Variants in MCTP1 observed in about 807,000 individuals in gnomAD.
MCTP1 encodes multiple C2 and transmembrane domain-containing protein 1.
A neutral mutation model predicts 120.6 loss-of-function variants in MCTP1; 69 were observed. The observed-to-expected ratio is 0.57, with a 90% CI of 0.47 to 0.70. MCTP1 has a LOEUF of 0.70. MCTP1 is among the 30% of genes least tolerant of loss of function. MCTP1 has a pLI of 0.00. For synonymous variants in MCTP1, 529 were observed against 493.1 expected (o/e 1.07, Z -0.96); for missense variants, 1,203 against 1,248.8 (o/e 0.96, Z 0.55).
intron 19 of MCTP1, among the ~76,000 whole-genome samples, chr5:94,717,325 C>T (rs1759719687): frequency 6.6e-6 from 1 of 152,050 alleles, no homozygotes; most frequent in African/African-American, 2.4e-5. Flanking sequence ...ATTCAACATC[C>T]CTTCAAGTTA....
intron 1 of MCTP1, among the ~76,000 whole-genome samples, chr5:95,093,553 T>TTCAAGCA (rs1410632068): frequency 6.6e-6 from 1 of 152,106 alleles, no homozygotes; most frequent in Non-Finnish European, 1.5e-5. Flanking sequence ...GGACCTTAGA[T>TTCAAGCA]GATACTATGT....
chr5:94,731,552 A>T (rs773257945), intron 19 of MCTP1, among the ~76,000 whole-genome samples: 7 of 152,198 alleles, frequency 4.6e-5, no homozygotes, highest in Non-Finnish European at 1.0e-4. Context: ...TCAGATATAC[A>T]CAAACGTTTA....
At chr5:95,046,510 A>G (rs1042846588) in intron 1 of MCTP1, among the ~76,000 whole-genome samples, 1 of 152,208 alleles carries the variant, frequency 6.6e-6, no homozygotes, top group Admixed American at 6.5e-5. Context: ...AGACTCAAAG[A>G]GAACTGGTAA....
chr5:95,129,221 G>A (rs942417092), intron 1 of MCTP1, among the ~76,000 whole-genome samples: 29 of 152,164 alleles, frequency 1.9e-4, no homozygotes, highest in Admixed American at 3.9e-4. Context: ...ATAGCACTGG[G>A]GGCAAAAATC....
chr5:94,762,313 C>A (rs971899811), intron 19 of MCTP1, among the ~76,000 whole-genome samples: 3 of 152,188 alleles, frequency 2.0e-5, no homozygotes, highest in African/African-American at 7.2e-5. Context: ...GATACAAGTT[C>A]TTCCAGCATC....
At chr5:95,081,389 T>C in intron 1 of MCTP1, 2 of 1,586,480 alleles carry the variant, frequency 1.3e-6, no homozygotes, top group Non-Finnish European at 1.7e-6. Flanking sequence ...AATTTAAGGC[T>C]ACCACAATCC....
intron 1 of MCTP1, among the ~76,000 whole-genome samples, chr5:95,194,236 A>T (rs1219164423): frequency 1.3e-5 from 2 of 152,068 alleles, no homozygotes; most frequent in Non-Finnish European, 2.9e-5. Context: ...AAGAAAAGAA[A>T]TGAAAAGAAA....
In MCTP1 at chr5:94,771,472, C is replaced by T. The variant is rs567152574; in HGVS notation, c.2610+7638G>A. On this transcript the variant is annotated intron_variant, in intron 19 of 22. Transcript: ENST00000515393. Reference sequence around the variant, plus strand: ...GAAAACCATGAATTTCTTCTCTATTCGCCAATTAATAATATAGACTTCTAA... The same window carrying T: ...GAAAACCATGAATTTCTTCTCTATTTGCCAATTAATAATATAGACTTCTAA... Among the ~76,000 whole-genome samples, 12 of 152,250 alleles carry T rather than the reference C, an allele frequency of 7.9e-5. No homozygotes were observed. The East Asian group carries it at 1.3e-3, about 17-fold the overall frequency.
Position 94,708,562 on chromosome 5 carries a change from T to G in MCTP1, c.2878A>C (p.Asn960His). The stretch of plus-strand genomic sequence containing the variant: ...GAAAGGAAGTCAAGTAGTTCATTGT[T>G]ATCAATTGCATATGGACTCCGAAGC... Reference protein sequence around the residue: ...KKLRSPYAIDNNELLDFLSRV... With the variant: ...KKLRSPYAIDHNELLDFLSRV... The change falls in exon 22 of 23, where the codon AAC (asparagine) becomes CAC (histidine). Residue 960 changes from asparagine (N) to histidine (H), a missense_variant. Asn to His is a moderately conservative substitution (Grantham distance 68). Around this residue, in one of 2 missense-constraint regions of MCTP1, gnomAD observed 740 missense variants for 871.1 expected, o/e 0.85. Coordinates refer to ENST00000515393, the MANE Select transcript of MCTP1 (RefSeq NM_024717.7). The G allele has an allele frequency of 2.5e-6, 4 of 1,611,802 alleles. No individual in the cohort carries two copies. Among genetic ancestry groups the G allele is most frequent in the Non-Finnish European group, 3.4e-6 (4 of 1,178,424 alleles).
At chr5:94,735,930 G>T (rs1321554057) in intron 19 of MCTP1, among the ~76,000 whole-genome samples, 2 of 152,288 alleles carry the variant, frequency 1.3e-5, no homozygotes, top group East Asian at 1.9e-4. Flanking sequence ...TACAGCAATT[G>T]GGTAAAGTAC....
In MCTP1 at chr5:95,283,846, C is replaced by G; in HGVS notation, c.720+10G>C. On this transcript the variant is annotated intron_variant, in intron 1 of 22. Transcript: ENST00000515393. ...CGCACCTTGTCTCCGGCCGCGCCAC[C>G]GGCACTCACCTGGCTGCTGCCGTGC... is the stretch of plus-strand genomic sequence containing the variant. 1 of 1,348,632 alleles carries G rather than the reference C, an allele frequency of 7.4e-7. No individual in the cohort carries two copies. Among genetic ancestry groups the G allele is most frequent in the Non-Finnish European group, 9.5e-7 (1 of 1,057,700 alleles). 83.5% of individuals were successfully genotyped at this position (1,348,632 alleles called of 1,614,324 possible).
intron 12 of MCTP1, among the ~76,000 whole-genome samples, chr5:94,880,373 G>A (rs1242080299): frequency 6.6e-6 from 1 of 152,040 alleles, no homozygotes; most frequent in Non-Finnish European, 1.5e-5. Context: ...TTTCCTATAA[G>A]TAAACTAATT....
Position 94,873,298 on chromosome 5 carries a change from G to A in MCTP1, c.1934-57C>T, listed in dbSNP as rs143708560. ...GTACATAGCACCCACAGTTCACAGT[G>A]TCAAGATCATGACCATATCTCTTTT... On this transcript the variant is annotated intron_variant, in intron 12 of 22. Transcript: ENST00000515393. 6,258 of 975,582 alleles carry A rather than the reference G, an allele frequency of 6.4e-3. 47 individuals are homozygous for A. Among genetic ancestry groups the A allele is most frequent in the Middle Eastern group, 0.023 (110 of 4,768 alleles). 60.4% of individuals were successfully genotyped at this position (975,582 alleles called of 1,614,324 possible). A position where few individuals can be genotyped will look rare whatever the true frequency, so the allele number is the denominator to read the frequency against.
At chr5:95,245,373 C>A (rs527311600) in intron 1 of MCTP1, among the ~76,000 whole-genome samples, 1 of 152,292 alleles carries the variant, frequency 6.6e-6, no homozygotes, top group Admixed American at 6.5e-5. Flanking sequence ...TACTAAGAAA[C>A]TTCTCCGAGC....
At chr5:94,974,680 CA>C (rs935451317) in intron 2 of MCTP1, among the ~76,000 whole-genome samples, 6 of 151,536 alleles carry the variant, frequency 4.0e-5, no homozygotes, top group African/African-American at 1.5e-4. Context: ...ACCTAAGTAT[CA>C]AAAAAGTGCC....
intron 12 of MCTP1, among the ~76,000 whole-genome samples, chr5:94,886,345 C>T (rs1801319532): frequency 1.3e-5 from 2 of 152,130 alleles, no homozygotes; most frequent in Admixed American, 1.3e-4. Flanking sequence ...AGATTGATGG[C>T]TACTTAAAAG....
intron 1 of MCTP1, among the ~76,000 whole-genome samples, chr5:95,039,897 A>G (rs901807481): frequency 2.6e-5 from 4 of 151,192 alleles, no homozygotes; most frequent in Non-Finnish European, 4.4e-5. Context: ...AAAAAAAAAA[A>G]AAAAAGAAAG....
At chr5:95,164,282 T>C (rs1484487849) in intron 1 of MCTP1, among the ~76,000 whole-genome samples, 1 of 148,980 alleles carries the variant, frequency 6.7e-6, no homozygotes, top group Non-Finnish European at 1.5e-5. Context: ...GTAAATCACT[T>C]TCCTTTCTTA....
chr5:94,842,588 C>G (rs1295886787), intron 17 of MCTP1, among the ~76,000 whole-genome samples: 1 of 152,166 alleles, frequency 6.6e-6, no homozygotes, highest in Non-Finnish European at 1.5e-5. Context: ...GGGCCACAAG[C>G]AATTCCTTCC....
Sources: allele counts gnomAD v4.1 joint callset (sites outside exome capture counted in the v4.1 genomes callset), GRCh38; gene constraint gnomAD v4.1.1; regional missense constraint gnomAD v4.1.1; transcripts MANE v1.5; gene names NCBI Gene and HGNC (gene_info 2026-07-23, HGNC 2026-07-21).